Variants in PDGFC observed in about 807,000 individuals in gnomAD.
PDGFC encodes the protein platelet derived growth factor C, also known as platelet-derived growth factor C.
A neutral mutation model predicts 35.5 loss-of-function variants in PDGFC; 12 were observed. The ratio of observed to expected loss-of-function variants is 0.34; its 90% CI spans 0.22 to 0.55. The LOEUF is 0.55. PDGFC is among the 20% of genes least tolerant of loss of function. PDGFC has a pLI of 0.91. For synonymous variants in PDGFC, 159 were observed against 148.8 expected (o/e 1.07, Z -0.50); for missense variants, 322 against 412.4 (o/e 0.78, Z 1.90).
intron 2 of PDGFC, among the ~76,000 whole-genome samples, chr4:156,830,079 A>G (rs1728890892): frequency 6.6e-6 from 1 of 152,158 alleles, no homozygotes; most frequent in African/African-American, 2.4e-5. Context: ...AGGTCCAACA[A>G]TTGGCCATTT....
Position 156,902,814 on chromosome 4 carries a change from G to A in PDGFC, c.119-52398C>T, listed in dbSNP as rs555307277. ...TTTGGTTCATTTGATTGCTCTGCCT[G>A]AAATATTTTTCCTAGCATTAGCACA... On this transcript the variant is annotated intron_variant, in intron 1 of 5. Transcript: ENST00000502773. 4.5e-3 allele frequency among the ~76,000 whole-genome samples: 689 copies of A among 152,198 alleles called. 1 individual carries two copies. The highest frequency in any genetic ancestry group is 0.017 in the Middle Eastern group (5 of 294).
chr4:156,897,615 T>G (rs1223409836), intron 1 of PDGFC, among the ~76,000 whole-genome samples: 1 of 152,138 alleles, frequency 6.6e-6, no homozygotes, highest in Non-Finnish European at 1.5e-5. Context: ...ATGAGTCAAC[T>G]AAATGTTAAA....
At chr4:156,827,980 C>T (rs1185876622) in intron 2 of PDGFC, among the ~76,000 whole-genome samples, 1 of 152,196 alleles carries the variant, frequency 6.6e-6, no homozygotes. Flanking sequence ...CTGGACTTTG[C>T]AAGGCCTCTC....
intron 2 of PDGFC, among the ~76,000 whole-genome samples, chr4:156,821,095 C>T (rs888409244): frequency 6.6e-6 from 1 of 151,888 alleles, no homozygotes; most frequent in Admixed American, 6.6e-5. Context: ...GGCAATAATT[C>T]AGGAGTGGGA....
chr4:156,793,534 C>CATATATATATATATATATATATAT (rs66571528), intron 3 of PDGFC, among the ~76,000 whole-genome samples: 1 of 130,636 alleles, frequency 7.7e-6, no homozygotes, highest in African/African-American at 2.8e-5. Context: ...GAATTATGTG[C>CATATATATATATATATATATATAT]ATATATATAT....
chr4:156,851,173 A>G (rs1729443097), intron 1 of PDGFC, among the ~76,000 whole-genome samples: 3 of 152,250 alleles, frequency 2.0e-5, no homozygotes, highest in Admixed American at 2.0e-4. Flanking sequence ...CTTCACGTGA[A>G]CTGGAATTAC....
At chr4:156,821,898 G>A (rs1012169532) in intron 2 of PDGFC, among the ~76,000 whole-genome samples, 2 of 152,088 alleles carry the variant, frequency 1.3e-5, no homozygotes, top group African/African-American at 4.8e-5. Flanking sequence ...TTAGTGTGGG[G>A]TATGAGAGAA....
At chr4:156,919,567 T>C (rs111369386) in intron 1 of PDGFC, among the ~76,000 whole-genome samples, 1 of 152,256 alleles carries the variant, frequency 6.6e-6, no homozygotes, top group African/African-American at 2.4e-5. Context: ...ATTGCCTAAC[T>C]GGTTTTTGTC....
intron 2 of PDGFC, among the ~76,000 whole-genome samples, chr4:156,848,836 A>G (rs970074421): frequency 3.9e-5 from 6 of 152,136 alleles, no homozygotes; most frequent in Non-Finnish European, 8.8e-5. Flanking sequence ...AGCTGGTGTC[A>G]CATGGCTCTC....
At chr4:156,849,717 A>G (rs563960792) in intron 2 of PDGFC, among the ~76,000 whole-genome samples, 1 of 152,198 alleles carries the variant, frequency 6.6e-6, no homozygotes, top group South Asian at 2.1e-4. Flanking sequence ...TTTCTGAACT[A>G]TATTTCTTCT....
intron 2 of PDGFC, among the ~76,000 whole-genome samples, chr4:156,822,924 G>A (rs547893065): frequency 1.9e-4 from 29 of 151,992 alleles, no homozygotes; most frequent in African/African-American, 6.3e-4. Flanking sequence ...CATAGAGATG[G>A]GGTTTCTCCG....
chr4:156,946,293 A>G (rs1560885818), intron 1 of PDGFC, among the ~76,000 whole-genome samples: 1 of 152,082 alleles, frequency 6.6e-6, no homozygotes, highest in Non-Finnish European at 1.5e-5. Flanking sequence ...AATGAGGCAA[A>G]AATAATAGCT....
At chr4:156,867,936 G>A (rs1287207864) in intron 1 of PDGFC, among the ~76,000 whole-genome samples, 1 of 151,860 alleles carries the variant, frequency 6.6e-6, no homozygotes, top group African/African-American at 2.4e-5. Flanking sequence ...TGTAGTACAG[G>A]GCCCAATGTT....
chr4:156,880,484 G>A (rs1437678320), intron 1 of PDGFC, among the ~76,000 whole-genome samples: 2 of 152,092 alleles, frequency 1.3e-5, no homozygotes, highest in African/African-American at 2.4e-5. Flanking sequence ...CATTGATAAC[G>A]CACCTGGTCA....
intron 1 of PDGFC, among the ~76,000 whole-genome samples, chr4:156,938,431 C>T (rs886406165): frequency 4.6e-5 from 7 of 152,070 alleles, no homozygotes; most frequent in Admixed American, 6.6e-5. Flanking sequence ...ATTCATGGTC[C>T]TGGGACCCAT....
At chr4:156,953,730 G>T (rs895604353) in intron 1 of PDGFC, among the ~76,000 whole-genome samples, 4 of 151,888 alleles carry the variant, frequency 2.6e-5, no homozygotes, top group African/African-American at 9.7e-5. Flanking sequence ...TGAAACCCAG[G>T]TTCTCTAAGA....
intron 1 of PDGFC, among the ~76,000 whole-genome samples, chr4:156,854,817 C>CA (rs199857479): frequency 2.0e-5 from 3 of 150,494 alleles, no homozygotes; most frequent in South Asian, 2.1e-4. Flanking sequence ...AATTACCAAA[C>CA]AAAAAAAAAG....
chr4:156,948,786 G>A (rs190389585), intron 1 of PDGFC, among the ~76,000 whole-genome samples: 2 of 151,840 alleles, frequency 1.3e-5, no homozygotes, highest in East Asian at 1.9e-4. Context: ...ATTTATGGGG[G>A]CATACATAAA....
chr4:156,962,453 C>T (rs2110974610), intron 1 of PDGFC, among the ~76,000 whole-genome samples: 1 of 152,194 alleles, frequency 6.6e-6, no homozygotes, highest in Admixed American at 6.5e-5. Context: ...GCACTGTGTT[C>T]CCATAGCACT....
Sources: allele counts gnomAD v4.1 joint callset (sites outside exome capture counted in the v4.1 genomes callset), GRCh38; gene constraint gnomAD v4.1.1; transcripts MANE v1.5; gene names NCBI Gene and HGNC (gene_info 2026-07-23, HGNC 2026-07-21).